The following ROBO2 variants were observed in gnomAD, a reference collection of about 807,000 sequenced individuals.
ROBO2 encodes the protein roundabout homolog 2.
Under a neutral mutation model 160.8 loss-of-function variants are expected in ROBO2, and 53 were observed. The observed-to-expected ratio is 0.33, with a 90% CI of 0.26 to 0.41. The LOEUF (loss-of-function observed/expected upper bound fraction) is 0.41, where lower values mean the gene tolerates loss of function less well. ROBO2 is among the 10% of genes least tolerant of loss of function. The pLI is 1.00. For synonymous variants in ROBO2, 664 were observed against 611.7 expected (o/e 1.09, Z -1.26); for missense variants, 1,577 against 1,722.4 (o/e 0.92, Z 1.49).
At chr3:76,726,565 C>G (rs2093556212) in intron 2 of ROBO2, among the ~76,000 whole-genome samples, 1 of 152,148 alleles carries the variant, frequency 6.6e-6, no homozygotes, top group Admixed American at 6.5e-5. Context: ...AGTGAGTCCT[C>G]TCCACCTCCA....
chr3:76,231,599 C>G (rs1704625036), intron 2 of ROBO2, among the ~76,000 whole-genome samples: 1 of 152,134 alleles, frequency 6.6e-6, no homozygotes, highest in South Asian at 2.1e-4. Flanking sequence ...AGGTGTTTTT[C>G]TCTACGTCCT....
chr3:76,084,821 ATT>A (rs2068952588), intron 2 of ROBO2, among the ~76,000 whole-genome samples: 1 of 152,138 alleles, frequency 6.6e-6, no homozygotes, highest in African/African-American at 2.4e-5. Flanking sequence ...CAATTAGGAT[ATT>A]CTCTATGGAC....
chr3:76,256,037 G>A (rs1314479709), intron 2 of ROBO2, among the ~76,000 whole-genome samples: 2 of 151,852 alleles, frequency 1.3e-5, no homozygotes, highest in South Asian at 2.1e-4. Flanking sequence ...AGTGGTTCAC[G>A]CCTGTAACCC....
intron 2 of ROBO2, among the ~76,000 whole-genome samples, chr3:76,432,120 A>G (rs1401726741): frequency 1.3e-5 from 2 of 152,174 alleles, no homozygotes; most frequent in African/African-American, 4.8e-5. Context: ...TATGTTTACA[A>G]CTTTATAACA....
intron 2 of ROBO2, among the ~76,000 whole-genome samples, chr3:76,386,027 T>A (rs535418125): frequency 2.0e-5 from 3 of 152,292 alleles, no homozygotes; most frequent in South Asian, 4.1e-4. Context: ...TGTTTTACCC[T>A]TGAGTATCAA....
chr3:76,273,905 C>A (rs1158938777), intron 2 of ROBO2, among the ~76,000 whole-genome samples: 2 of 152,058 alleles, frequency 1.3e-5, no homozygotes, highest in African/African-American at 4.8e-5. Context: ...CTGGAACATC[C>A]AAGATGAAGG....
At chr3:77,620,917 G>T (rs2094886866) in intron 22 of ROBO2, among the ~76,000 whole-genome samples, 1 of 152,160 alleles carries the variant, frequency 6.6e-6, no homozygotes, top group South Asian at 2.1e-4. Flanking sequence ...TGAAGGCAAA[G>T]AAAATACTTA....
chr3:76,819,974 C>T (rs138710762), intron 2 of ROBO2, among the ~76,000 whole-genome samples: 146 of 152,166 alleles, frequency 9.6e-4, no homozygotes, highest in South Asian at 1.9e-3. Flanking sequence ...CTCTATTTTT[C>T]TGTGTGTTCT....
At chr3:76,550,194 C>T (rs1326501532) in intron 2 of ROBO2, among the ~76,000 whole-genome samples, 2 of 152,126 alleles carry the variant, frequency 1.3e-5, no homozygotes, top group African/African-American at 4.8e-5. Flanking sequence ...CTAACTAACT[C>T]GTAAAATGAC....
At chr3:76,814,272 T>C (rs1379687049) in intron 2 of ROBO2, among the ~76,000 whole-genome samples, 2 of 152,134 alleles carry the variant, frequency 1.3e-5, no homozygotes, top group Non-Finnish European at 2.9e-5. Context: ...TTGTGAGTTC[T>C]AATATTGTGT....
rs533382398 is a variant in ROBO2 at position 77,643,628 on chromosome 3, A to G, written c.3935-1076A>G. ...GCTTTATAAACGCATTTTCTGAGAC[A>G]TCTCATGTCAGGATTCATTGAGTAC... On this transcript the variant is annotated intron_variant, in intron 24 of 25. Transcript: ENST00000461745. Among the ~76,000 whole-genome samples the G allele has an allele frequency of 9.8e-5, 15 of 152,304 alleles. No individual in the cohort carries two copies. In the South Asian group the frequency reaches 3.1e-3, roughly 32 times the overall value.
intron 2 of ROBO2, among the ~76,000 whole-genome samples, chr3:76,144,874 TTGAGA>T (rs2071825053): frequency 6.6e-6 from 1 of 151,652 alleles, no homozygotes; most frequent in South Asian, 2.1e-4. Flanking sequence ...ACTTTCCTTG[TTGAGA>T]TGACCATTAT....
intron 2 of ROBO2, among the ~76,000 whole-genome samples, chr3:76,030,642 G>A (rs2066889716): frequency 6.6e-6 from 1 of 152,120 alleles, no homozygotes; most frequent in Admixed American, 6.5e-5. Flanking sequence ...CCCATTTCTT[G>A]TATTTGTCAG....
chr3:77,445,092 A>AT (rs542596754), intron 2 of ROBO2, among the ~76,000 whole-genome samples: 18 of 152,186 alleles, frequency 1.2e-4, no homozygotes, highest in Admixed American at 1.1e-3. Flanking sequence ...TTGCTGATAC[A>AT]TTTTTTGTCT....
chr3:76,335,184 T>TG (rs1227158500), intron 2 of ROBO2, among the ~76,000 whole-genome samples: 7 of 136,580 alleles, frequency 5.1e-5, no homozygotes, highest in East Asian at 4.2e-4. Flanking sequence ...TTTTGTTTTT[T>TG]TTTTTTTTTT....
chr3:77,371,016 C>T (rs1421311701), intron 2 of ROBO2, among the ~76,000 whole-genome samples: 1 of 152,122 alleles, frequency 6.6e-6, no homozygotes, highest in Admixed American at 6.6e-5. Flanking sequence ...TGTGGAAGTG[C>T]ATCCTGGAAA....
Position 77,161,912 on chromosome 3 carries a change from T to C in ROBO2, c.388+63572T>C, listed in dbSNP as rs139450875. 2.2e-3 allele frequency among the ~76,000 whole-genome samples: 336 copies of C among 152,212 alleles called. 2 individuals are homozygous for C. Among genetic ancestry groups the C allele is most frequent in the African/African-American group, 7.6e-3 (317 of 41,548 alleles). On this transcript the variant is annotated intron_variant, in intron 2 of 25. Transcript: ENST00000461745. ...TGTAATCCTCAAATTAATAACTTCA[T>C]CCAAATTATCTACAAAGTCATGGTT...
chr3:77,064,864 G>A (rs965183430), intron 1 of ROBO2, among the ~76,000 whole-genome samples: 10 of 152,054 alleles, frequency 6.6e-5, no homozygotes, highest in Non-Finnish European at 1.2e-4. Flanking sequence ...TTATACTCTG[G>A]TATTCACAGG....
Position 76,011,832 on chromosome 3 carries a change from G to A in ROBO2, c.109+74230G>A, listed in dbSNP as rs554847513. Among the ~76,000 whole-genome samples the A allele has an allele frequency of 2.8e-4, 43 of 152,198 alleles. 1 individual carries two copies. In the South Asian group the frequency reaches 8.7e-3, roughly 31 times the overall value. On this transcript the variant is annotated intron_variant, in intron 2 of 26. Coordinates refer to the ROBO2 transcript ENST00000487694. ...TTTCAGCAATATCACCCAGTGACTC[G>A]ATGCAATCAAATGTGTATATGTAGA...
Sources: allele counts gnomAD v4.1 joint callset (sites outside exome capture counted in the v4.1 genomes callset), GRCh38; gene constraint gnomAD v4.1.1; transcripts MANE v1.5; gene names NCBI Gene and HGNC (gene_info 2026-07-23, HGNC 2026-07-21).